ERCC6: variants seen among roughly 807,000 people sequenced by gnomAD.
The protein encoded by ERCC6 is ERCC excision repair 6, chromatin remodeling factor, also known as DNA excision repair protein ERCC-6.
In ERCC6, 116 loss-of-function variants were observed where a neutral mutation model predicts 158.7. The observed-to-expected ratio is 0.73, with a 90% CI of 0.63 to 0.85. ERCC6 has a LOEUF of 0.85. ERCC6 is among the 40% of genes least tolerant of loss of function. The probability of loss-of-function intolerance (pLI) is 0.00; values close to 1 mark genes in which losing one functional copy is unlikely to be tolerated. For missense variants in ERCC6, 1,698 were observed against 1,799.4 expected, an observed-to-expected ratio of 0.94 and a Z score of 1.02; for synonymous variants, 678 against 659.3, an observed-to-expected ratio of 1.03 and a Z score of -0.43.
At chr10:49,493,303 C>T in intron 7 of ERCC6, 51 bp from the exon 8 acceptor site, 1 of 1,610,326 alleles carries the variant, frequency 6.2e-7, no homozygotes, top group Non-Finnish European at 8.5e-7. Flanking sequence ...CATATACAGT[C>T]ATCAACTGCT....
chr10:49,487,619 G>A (rs1235469609), intron 8 of ERCC6, among the ~76,000 whole-genome samples: 3 of 152,272 alleles, frequency 2.0e-5, no homozygotes, highest in South Asian at 2.1e-4. Flanking sequence ...AGCCAAAGCC[G>A]AAATGAATTC....
At chr10:49,476,748 T>C (rs1850884868) in intron 11 of ERCC6, among the ~76,000 whole-genome samples, 3 of 152,122 alleles carry the variant, frequency 2.0e-5, no homozygotes, top group South Asian at 2.1e-4. Context: ...CAGACTTGCC[T>C]TGGACGGCAA....
chr10:49,531,153 T>C (rs541291332), intron 2 of ERCC6, among the ~76,000 whole-genome samples: 2 of 152,360 alleles, frequency 1.3e-5, no homozygotes, highest in Non-Finnish European at 2.9e-5. Flanking sequence ...TAGAACAATG[T>C]GCAATAAGTT....
intron 5 of ERCC6, among the ~76,000 whole-genome samples, chr10:49,512,195 G>C: frequency 6.6e-6 from 1 of 152,112 alleles, no homozygotes; most frequent in Non-Finnish European, 1.5e-5. Context: ...ACTCCATACT[G>C]GTCAGTCAAG....
downstream of ERCC6, among the ~76,000 whole-genome samples, chr10:49,451,827 T>C (rs1850422950): frequency 6.6e-6 from 1 of 152,200 alleles, no homozygotes; most frequent in Non-Finnish European, 1.5e-5. Context: ...TTTATTTGAT[T>C]GTTTGGTAGA....
rs1178445767 is a variant in ERCC6 at position 49,457,336 on chromosome 10, A to G, written c.*1479T>C. ...TTATATATAAACCAAACTAAAAACA[A>G]AAGAAATGAACAAGCTATAATCCAA... On this transcript the variant is annotated 3_prime_UTR_variant, in exon 21 of 21. Transcript: ENST00000355832. The G allele has an allele frequency of 6.6e-6, 1 of 152,204 alleles. No homozygotes were observed. The highest frequency in any genetic ancestry group is 1.5e-5 in the Non-Finnish European group (1 of 68,046). 9.4% of individuals were successfully genotyped at this position (152,204 alleles called of 1,614,324 possible). A position where few individuals can be genotyped will look rare whatever the true frequency, so the allele number is the denominator to read the frequency against.
the ERCC6 span, among the ~76,000 whole-genome samples, chr10:49,448,593 C>T: frequency 6.6e-6 from 1 of 152,176 alleles, no homozygotes; most frequent in Non-Finnish European, 1.5e-5. Flanking sequence ...CTCCAAACCC[C>T]CAACTTTTTA....
downstream of ERCC6, among the ~76,000 whole-genome samples, chr10:49,449,914 C>A (rs1423682266): frequency 6.6e-6 from 1 of 151,826 alleles, no homozygotes; most frequent in Non-Finnish European, 1.5e-5. Context: ...GCTCTGTCAC[C>A]CAGGCTGGAG....
intron 1 of ERCC6, among the ~76,000 whole-genome samples, chr10:49,536,926 G>A (rs1206144978): frequency 3.3e-5 from 5 of 152,174 alleles, no homozygotes; most frequent in African/African-American, 1.2e-4. Context: ...GAAGGGGCCT[G>A]GAAATGGGAG....
Position 49,458,605 on chromosome 10 carries a change from G to T in ERCC6, c.*210C>A. 1.8e-6 allele frequency: 1 copy of T among 566,772 alleles called. No homozygotes were observed. Among genetic ancestry groups the T allele is most frequent in the Non-Finnish European group, 3.1e-6 (1 of 325,082 alleles). The allele number at this position is 566,772 out of a possible 1,614,324, so 35.1% of individuals were successfully genotyped here. On this transcript the variant is annotated 3_prime_UTR_variant, in exon 21 of 21. Coordinates refer to ENST00000355832, the MANE Select transcript of ERCC6 (RefSeq NM_000124.4). ...GCCAAAAAAAAAAAAATCAATCCAA[G>T]TATTTTCTCCTTTAGCTAGCATTAT...
the ERCC6 span, among the ~76,000 whole-genome samples, chr10:49,444,193 G>A: frequency 6.6e-6 from 1 of 152,096 alleles, no homozygotes; most frequent in Non-Finnish European, 1.5e-5. Flanking sequence ...TGGACACTTC[G>A]ACAAAGAGGC....
Position 49,530,706 on chromosome 10 carries a change from T to A in ERCC6, c.543+14A>T. ...TTTTTCAAAAATGCAATACTGAATGTTATTCTGAATCACCTTATTATACTT... is the reference window on the plus strand; with the variant it reads ...TTTTTCAAAAATGCAATACTGAATGATATTCTGAATCACCTTATTATACTT... On this transcript the variant is annotated intron_variant, in intron 3 of 20. Transcript: ENST00000355832. 1 of 1,612,332 alleles carries A rather than the reference T, an allele frequency of 6.2e-7. No homozygotes were observed. Among genetic ancestry groups the A allele is most frequent in the East Asian group, 2.2e-5 (1 of 44,770 alleles).
At chr10:49,524,976 C>A (rs968771518) in intron 4 of ERCC6, 199 bp from the exon 5 acceptor site, 2 of 1,356,730 alleles carry the variant, frequency 1.5e-6, no homozygotes, top group African/African-American at 1.5e-5. Context: ...TATTCCTGTT[C>A]AAAAAGACAA....
chr10:49,537,821 C>G lies in ERCC6; in HGVS notation c.-15+1141G>C, dbSNP rs184934227. The stretch of plus-strand genomic sequence containing the variant: ...CACTGCAACCTCCGCCTTCCGGGTT[C>G]AAGCGATTCTCCTGCCTTGGCCTCC... On this transcript the variant is annotated intron_variant, in intron 1 of 20. Coordinates refer to ENST00000355832, the MANE Select transcript of ERCC6 (RefSeq NM_000124.4). 1.9e-3 allele frequency among the ~76,000 whole-genome samples: 291 copies of G among 152,264 alleles called. 1 individual carries two copies. Among genetic ancestry groups the G allele is most frequent in the African/African-American group, 6.7e-3 (280 of 41,558 alleles).
the ERCC6 span, among the ~76,000 whole-genome samples, chr10:49,439,342 G>C: frequency 6.6e-6 from 1 of 152,244 alleles, no homozygotes; most frequent in Non-Finnish European, 1.5e-5. Flanking sequence ...AAGCTGCCAA[G>C]GCTTGGGGCT....
At chr10:49,473,089 T>C in intron 14 of ERCC6, 61 bp from the exon 15 acceptor site, 2 of 1,611,400 alleles carry the variant, frequency 1.2e-6, no homozygotes, top group South Asian at 2.2e-5. Flanking sequence ...GTTCTCAGCC[T>C]CTGCCTCCAC....
At chr10:49,475,496 C>T (rs888391332) in intron 12 of ERCC6, 5 of 403,264 alleles carry the variant, frequency 1.2e-5, no homozygotes, top group Admixed American at 5.9e-5. Flanking sequence ...TGAAGAACCT[C>T]CTGTAGCAAC....
intron 1 of ERCC6, among the ~76,000 whole-genome samples, chr10:49,533,515 G>C (rs1837521973): frequency 6.6e-6 from 1 of 152,218 alleles, no homozygotes; most frequent in Non-Finnish European, 1.5e-5. Context: ...CAGGCACGTG[G>C]CTCAGTCCTG....
chr10:49,526,147 A>T (rs200091337), intron 4 of ERCC6, among the ~76,000 whole-genome samples: 11 of 105,230 alleles, frequency 1.0e-4, no homozygotes, highest in Non-Finnish European at 1.6e-4. Context: ...ATATATATAT[A>T]TATATATATA....
Sources: gnomAD v4.1 joint callset for allele counts (sites outside exome capture counted in the v4.1 genomes callset) on GRCh38, gnomAD v4.1.1 for gene constraint, MANE v1.5 for transcripts, NCBI Gene and HGNC (gene_info 2026-07-23, HGNC 2026-07-21) for gene names.